Variants in AP1S2 observed in about 807,000 individuals in gnomAD.
AP1S2 encodes the protein adaptor related protein complex 1 subunit sigma 2.
A neutral mutation model predicts 14.3 loss-of-function variants in AP1S2; 1 was observed. The observed-to-expected ratio is 0.07, with a 90% CI of 0.02 to 0.33. The LOEUF (loss-of-function observed/expected upper bound fraction) is 0.33, where lower values mean the gene tolerates loss of function less well. AP1S2 is among the 10% of genes least tolerant of loss of function. The pLI is 0.99. For synonymous variants in AP1S2, 30 were observed against 40.5 expected, an observed-to-expected ratio of 0.74 and a Z score of 0.99; for missense variants, 30 against 117.7, an observed-to-expected ratio of 0.25 and a Z score of 3.45.
chrX:15,831,055 A>AGAT (rs1426939960), intron 4 of AP1S2: 1 of 723,209 alleles, frequency 1.4e-6, no homozygotes, highest in East Asian at 1.5e-4. Flanking sequence ...ACAGATTGTA[A>AGAT]GATAATCACA....
At chrX:15,837,432 A>G (rs932466242) in intron 4 of AP1S2, among the ~76,000 whole-genome samples, 4 of 110,923 alleles carry the variant, frequency 3.6e-5, no homozygotes, top group African/African-American at 1.3e-4. Flanking sequence ...TTTCCACATA[A>G]AAACTCAATT....
intron 2 of AP1S2, among the ~76,000 whole-genome samples, chrX:15,846,418 C>G (rs1030169994): frequency 2.7e-5 from 3 of 111,525 alleles, no homozygotes; most frequent in African/African-American, 9.8e-5. Context: ...GAGGATAATG[C>G]CAAGGTGAGG....
intron 4 of AP1S2, among the ~76,000 whole-genome samples, chrX:15,842,107 C>CG (rs1933853607): frequency 8.9e-6 from 1 of 111,795 alleles, no homozygotes; most frequent in Non-Finnish European, 1.9e-5. Flanking sequence ...AGCACTCAAG[C>CG]GTTAGTTACC....
chrX:15,849,396 G>A (rs750470131), intron 2 of AP1S2, among the ~76,000 whole-genome samples: 79 of 112,612 alleles, frequency 7.0e-4, no homozygotes, highest in Non-Finnish European at 1.2e-3. Flanking sequence ...CCAGCAGTAG[G>A]GAAAACAAAC....
chrX:15,852,127 T>C (rs1934198452), intron 2 of AP1S2, among the ~76,000 whole-genome samples: 1 of 112,596 alleles, frequency 8.9e-6, no homozygotes, highest in African/African-American at 3.2e-5. Flanking sequence ...TTTAATTATA[T>C]AACTAGTTTT....
At chrX:15,848,256 C>A (rs1272710037) in intron 2 of AP1S2, among the ~76,000 whole-genome samples, 1 of 111,782 alleles carries the variant, frequency 8.9e-6, no homozygotes, top group Non-Finnish European at 1.9e-5. Flanking sequence ...GTACCATTCA[C>A]TGAATCCTCG....
chrX:15,832,095 G>A (rs1432141137), intron 4 of AP1S2: 1 of 747,102 alleles, frequency 1.3e-6, no homozygotes, highest in Non-Finnish European at 1.6e-6. Context: ...GAATTTGACT[G>A]AGACTGAGGA....
intron 4 of AP1S2, chrX:15,833,149 CTT>C (rs1380974356): frequency 2.0e-6 from 2 of 981,436 alleles, no homozygotes; most frequent in African/African-American, 2.0e-5. Context: ...TCTTTTCTCT[CTT>C]AATTTTCTAT....
chrX:15,836,643 G>A (rs752203114), intron 4 of AP1S2, among the ~76,000 whole-genome samples: 19 of 112,391 alleles, frequency 1.7e-4, no homozygotes, highest in Middle Eastern at 4.6e-3. Flanking sequence ...CACTTTGGGA[G>A]GCCAAGGTGG....
rs948967097 is a variant in AP1S2 at position 15,852,498 on chromosome X, A to G, written c.27T>C (p.Arg9=). The change falls in exon 2 of 6, where the codon CGT becomes CGC. Residue 9 remains arginine (R), a synonymous_variant. Coordinates refer to ENST00000672987, the MANE Select transcript of AP1S2 (RefSeq NM_001272071.2). MQFMLLFS[R]QGKLRLQKWY... ...ATTTTTGCAGTCGAAGCTTTCCCTGACGACTAAAAAGCAACATAAACTGCA... is the reference window on the plus strand; with the variant it reads ...ATTTTTGCAGTCGAAGCTTTCCCTGGCGACTAAAAAGCAACATAAACTGCA... 1 of 1,209,887 alleles carries G rather than the reference A, an allele frequency of 8.3e-7. No homozygotes were observed. Among genetic ancestry groups the G allele is most frequent in the Non-Finnish European group, 1.1e-6 (1 of 894,265 alleles).
intron 4 of AP1S2, chrX:15,831,767 C>CGTAG: frequency 1.4e-6 from 1 of 705,409 alleles, no homozygotes; most frequent in Non-Finnish European, 1.7e-6. Context: ...AACTTTACTA[C>CGTAG]ATACAGTGTT....
chrX:15,843,616 A>G (rs181150012), intron 4 of AP1S2, among the ~76,000 whole-genome samples: 6 of 112,335 alleles, frequency 5.3e-5, no homozygotes, highest in African/African-American at 1.9e-4. Context: ...TTGAACTTCA[A>G]TAACTTTAAA....
Position 15,845,527 on chromosome X carries a change from A to G in AP1S2, c.289-11T>C, listed in dbSNP as rs779160574. ...ATCTAGTTCACAGACCTGAAAAGGA[A>G]AAAAAAAAGAAAAAAGAAAAGAAAA... On this transcript the variant is annotated splice_polypyrimidine_tract_variant and intron_variant, in intron 3 of 5. Coordinates refer to ENST00000672987, the MANE Select transcript of AP1S2 (RefSeq NM_001272071.2). 18 of 1,193,087 alleles carry G rather than the reference A, an allele frequency of 1.5e-5. No individual in the cohort carries two copies. In the South Asian group the frequency reaches 3.2e-4, roughly 21 times the overall value.
intron 2 of AP1S2, among the ~76,000 whole-genome samples, chrX:15,852,033 TACTG>T (rs769595969): frequency 1.2e-4 from 13 of 112,232 alleles, no homozygotes; most frequent in Non-Finnish European, 1.7e-4. Context: ...CAATTTAAAA[TACTG>T]ACCCTACTTT....
At chrX:15,829,074 G>A (rs182698330) in intron 4 of AP1S2, among the ~76,000 whole-genome samples, 98 of 111,266 alleles carry the variant, frequency 8.8e-4, no homozygotes, top group Non-Finnish European at 1.6e-3. Context: ...GCAAAAATGC[G>A]GGGAGTGGTT....
At chrX:15,831,113 C>T (rs1933423490) in intron 4 of AP1S2, 7 of 739,128 alleles carry the variant, frequency 9.5e-6, no homozygotes, top group Non-Finnish European at 1.1e-5. Flanking sequence ...CCAAACTACA[C>T]TATATATTAT....
intron 5 of AP1S2, among the ~76,000 whole-genome samples, 186 bp from the exon 6 acceptor site, chrX:15,827,558 G>A (rs1933303184): frequency 8.9e-6 from 1 of 111,799 alleles, no homozygotes; most frequent in Non-Finnish European, 1.9e-5. Context: ...GACCACAAAA[G>A]GACGTTTTCA....
At chrX:15,828,753 A>G (rs764798636) in intron 4 of AP1S2, among the ~76,000 whole-genome samples, 1 of 101,159 alleles carries the variant, frequency 9.9e-6, no homozygotes, top group African/African-American at 3.6e-5. Context: ...ATCCTGCAGC[A>G]TAAATGACCT....
At chrX:15,841,763 C>T (rs1053300310) in intron 4 of AP1S2, among the ~76,000 whole-genome samples, 6 of 112,093 alleles carry the variant, frequency 5.4e-5, no homozygotes, top group African/African-American at 1.9e-4. Context: ...CACAGAAAAA[C>T]CTCTGGGAGA....
Sources: gnomAD v4.1 joint callset for allele counts (sites outside exome capture counted in the v4.1 genomes callset) on GRCh38, gnomAD v4.1.1 for gene constraint, MANE v1.5 for transcripts, NCBI Gene and HGNC (gene_info 2026-07-23, HGNC 2026-07-21) for gene names.